The following PCDHA1 variants were observed in gnomAD, a reference collection of about 807,000 sequenced individuals.
PCDHA1 encodes protocadherin alpha-1.
Under a neutral mutation model 61.3 loss-of-function variants are expected in PCDHA1, and 42 were observed. The ratio of observed to expected loss-of-function variants is 0.69; its 90% CI spans 0.54 to 0.89. PCDHA1 has a LOEUF of 0.89. PCDHA1 is among the 40% of genes least tolerant of loss of function. PCDHA1 has a pLI of 0.00. For missense variants in PCDHA1, 1,256 were observed against 1,235.3 expected (o/e 1.02, Z -0.25); for synonymous variants, 610 against 553.8 (o/e 1.10, Z -1.43).
chr5:140,807,800 G>A (rs1764034849), intron 1 of PCDHA1: 7 of 1,614,026 alleles, frequency 4.3e-6, no homozygotes, highest in Non-Finnish European at 5.9e-6. Flanking sequence ...CAGAGAAGAA[G>A]CTCCGGAGAT....
rs1379248044 is a variant in PCDHA1, at chr5:140,809,384, G to T, written c.2394+20700G>T. 7 of 1,614,062 alleles carry T rather than the reference G, an allele frequency of 4.3e-6. No homozygotes were observed. In the East Asian group the frequency reaches 1.3e-4, roughly 31 times the overall value. ...TGCGCTGCCCACCGAGGGCGCGTGC[G>T]CTCCGGGCAAGCCCACGCTGGTGTG... On this transcript the variant is annotated intron_variant, in intron 1 of 3. Coordinates refer to ENST00000504120, the MANE Select transcript of PCDHA1 (RefSeq NM_018900.4).
intron 1 of PCDHA1, among the ~76,000 whole-genome samples, chr5:140,897,322 A>C (rs1407696399): frequency 7.4e-6 from 1 of 134,448 alleles, no homozygotes; most frequent in Non-Finnish European, 1.6e-5. Context: ...TCCTAAAGCT[A>C]TCCCTCCCCC....
intron 1 of PCDHA1, among the ~76,000 whole-genome samples, chr5:140,926,112 A>G (rs556372882): frequency 3.3e-4 from 51 of 152,258 alleles, no homozygotes; most frequent in African/African-American, 1.2e-3. Context: ...AAGAGGGTGC[A>G]GGACAGACTT....
At chr5:140,886,921 C>T (rs778306326) in intron 1 of PCDHA1, among the ~76,000 whole-genome samples, 2 of 151,406 alleles carry the variant, frequency 1.3e-5, no homozygotes, top group African/African-American at 4.9e-5. Context: ...TGAGTGTTCT[C>T]TATGTGCCAG....
intron 1 of PCDHA1, among the ~76,000 whole-genome samples, chr5:140,838,622 A>G (rs1163136173): frequency 6.6e-6 from 1 of 152,030 alleles, no homozygotes; most frequent in Non-Finnish European, 1.5e-5. Flanking sequence ...AATTTTTTAC[A>G]AATAATTTGG....
intron 1 of PCDHA1, chr5:140,870,487 T>A: frequency 6.2e-7 from 1 of 1,614,204 alleles, no homozygotes. Flanking sequence ...GTACACCGTG[T>A]TCGTGAAGGA....
At chr5:140,885,930 A>AT (rs1188534786) in intron 1 of PCDHA1, among the ~76,000 whole-genome samples, 1 of 152,104 alleles carries the variant, frequency 6.6e-6, no homozygotes, top group African/African-American at 2.4e-5. Flanking sequence ...CTGTTTATCT[A>AT]TTTTTTGACA....
intron 1 of PCDHA1, chr5:140,966,927 C>T (rs1434590204): frequency 1.2e-6 from 2 of 1,603,398 alleles, no homozygotes; most frequent in Admixed American, 1.7e-5. Flanking sequence ...GAGCAGGCAC[C>T]CGGCGCGCTC....
At chr5:140,960,064 T>G (rs1352718360) in intron 1 of PCDHA1, among the ~76,000 whole-genome samples, 1 of 152,208 alleles carries the variant, frequency 6.6e-6, no homozygotes, top group Admixed American at 6.5e-5. Flanking sequence ...TACAGAAGAT[T>G]CAATTGAAGT....
rs782568790 is a variant in PCDHA1 at position 140,856,315 on chromosome 5, T to C, written c.2394+67631T>C. On this transcript the variant is annotated intron_variant, in intron 1 of 3. Transcript: ENST00000504120. ...GCATTTTGTTTGTGAATTCTCGGAT[T>C]GACCGCGAGGAGCTGTGCGGGCGGA... 131 of 1,598,516 alleles carry C rather than the reference T, an allele frequency of 8.2e-5. 15 individuals are homozygous for C. The highest frequency in any genetic ancestry group is 1.9e-4 in the Admixed American group (11 of 59,298).
chr5:140,937,213 A>AT (rs1339770312), intron 1 of PCDHA1, among the ~76,000 whole-genome samples: 2 of 151,454 alleles, frequency 1.3e-5, no homozygotes, highest in Admixed American at 1.3e-4. Flanking sequence ...AATTTTTTGT[A>AT]TTTTTTGTAG....
chr5:140,884,886 A>G (rs1261353977), intron 1 of PCDHA1, among the ~76,000 whole-genome samples: 1 of 152,220 alleles, frequency 6.6e-6, no homozygotes, highest in Non-Finnish European at 1.5e-5. Flanking sequence ...CAAAACAAGA[A>G]TATTTTGTTT....
rs782380359 is a variant in PCDHA1 at position 140,858,226 on chromosome 5, C to T, written c.2394+69542C>T. ...CACTGAGGTGCTCGGCGGCGCCCAC[C>T]GAGGGCGCATGTGGGCCGGTGAAGC... On this transcript the variant is annotated intron_variant, in intron 1 of 3. Transcript: ENST00000504120. 1.3e-5 allele frequency: 21 copies of T among 1,595,412 alleles called. 1 individual carries two copies. The highest frequency in any genetic ancestry group is 1.6e-5 in the Non-Finnish European group (19 of 1,165,410).
At chr5:140,917,336 G>T (rs1183036523) in intron 1 of PCDHA1, among the ~76,000 whole-genome samples, 1 of 144,856 alleles carries the variant, frequency 6.9e-6, no homozygotes, top group Non-Finnish European at 1.5e-5. Context: ...GGGGAGGGGG[G>T]GGATGGTGTA....
intron 3 of PCDHA1, among the ~76,000 whole-genome samples, chr5:140,995,446 T>C (rs2097684088): frequency 6.6e-6 from 1 of 152,206 alleles, no homozygotes; most frequent in Non-Finnish European, 1.5e-5. Flanking sequence ...TTAAAACTTA[T>C]GAATTGTTTA....
chr5:140,889,824 C>A (rs1396428338), intron 1 of PCDHA1, among the ~76,000 whole-genome samples: 3 of 152,102 alleles, frequency 2.0e-5, no homozygotes, highest in African/African-American at 4.8e-5. Context: ...CATAAGAAGT[C>A]TTACAGTATG....
chr5:140,805,007 T>C, intron 1 of PCDHA1: 1 of 1,543,616 alleles, frequency 6.5e-7, no homozygotes, highest in East Asian at 2.3e-5. Flanking sequence ...AATTTAGTTC[T>C]GTTATCAGCT....
At chr5:140,825,328 G>A (rs1768508165) in intron 1 of PCDHA1, 1 of 145,220 alleles carries the variant, frequency 6.9e-6, no homozygotes, top group Admixed American at 6.9e-5. Context: ...CTGGAAATTT[G>A]CATATTTTTC....
intron 1 of PCDHA1, among the ~76,000 whole-genome samples, chr5:140,846,545 T>G (rs1374856613): frequency 6.7e-6 from 1 of 148,364 alleles, no homozygotes; most frequent in Non-Finnish European, 1.5e-5. Context: ...CTGCTAATTT[T>G]TTGTATTTTT....
Sources: allele counts gnomAD v4.1 joint callset (sites outside exome capture counted in the v4.1 genomes callset), GRCh38; gene constraint gnomAD v4.1.1; transcripts MANE v1.5; gene names NCBI Gene and HGNC (gene_info 2026-07-23, HGNC 2026-07-21).